Variants in SLC30A8 observed in about 807,000 individuals in gnomAD.
The protein encoded by SLC30A8 is proton-coupled zinc antiporter SLC30A8.
Under a neutral mutation model 36.9 loss-of-function variants are expected in SLC30A8, and 27 were observed. The observed-to-expected ratio is 0.73, with a 90% CI of 0.54 to 1.01. The LOEUF (loss-of-function observed/expected upper bound fraction) is 1.01, where lower values mean the gene tolerates loss of function less well. Among genes scored for constraint, SLC30A8 ranks in the 50% least tolerant of loss-of-function variants. The pLI, the probability that SLC30A8 is intolerant of heterozygous loss-of-function variation, is 0.00. For missense variants in SLC30A8, 439 were observed against 452.0 expected, an observed-to-expected ratio of 0.97 and a Z score of 0.26; for synonymous variants, 164 against 172.4, an observed-to-expected ratio of 0.95 and a Z score of 0.38.
In SLC30A8 at chr8:117,022,793, A is replaced by G. The variant is rs188670598; in HGVS notation, c.-265-16426A>G. On this transcript the variant is annotated intron_variant, in intron 1 of 10. Coordinates refer to the SLC30A8 transcript ENST00000427715. The stretch of plus-strand genomic sequence containing the variant: ...AAAACCCTAGAAGAAAACCTAGGCA[A>G]TACCATTCAGGACATAGGCATGGGC... Among the ~76,000 whole-genome samples the G allele has an allele frequency of 2.9e-3, 444 of 152,336 alleles. 4 individuals carry two copies. Among genetic ancestry groups the G allele is most frequent in the African/African-American group, 0.01 (434 of 41,576 alleles).
At chr8:117,024,124 T>C (rs1029155645) in intron 1 of SLC30A8, among the ~76,000 whole-genome samples, 1 of 152,244 alleles carries the variant, frequency 6.6e-6, no homozygotes, top group Non-Finnish European at 1.5e-5. Context: ...GTTGATTTGC[T>C]GTTGGATAGA....
At chr8:116,951,802 T>C (rs759733992) in intron 1 of SLC30A8, among the ~76,000 whole-genome samples, 2 of 152,180 alleles carry the variant, frequency 1.3e-5, no homozygotes, top group Non-Finnish European at 2.9e-5. Context: ...TAGGTATGTG[T>C]TGAGCATCAG....
At chr8:116,976,829 T>TCTTTCTTTCTTTC (rs1815043579) in intron 1 of SLC30A8, among the ~76,000 whole-genome samples, 1 of 144,276 alleles carries the variant, frequency 6.9e-6, no homozygotes, top group African/African-American at 2.9e-5. Context: ...TTTCTTTTTT[T>TCTTTCTTTCTTTC]TTTTTTTTTA....
intron 2 of SLC30A8, among the ~76,000 whole-genome samples, chr8:117,095,494 T>C (rs1015819897): frequency 4.6e-5 from 7 of 152,164 alleles, no homozygotes; most frequent in African/African-American, 1.4e-4. Context: ...GCCAAAATGT[T>C]CTTTTTTTCT....
intron 2 of SLC30A8, among the ~76,000 whole-genome samples, chr8:117,117,266 A>C (rs571298206): frequency 6.6e-6 from 1 of 152,018 alleles, no homozygotes; most frequent in Non-Finnish European, 1.5e-5. Flanking sequence ...CAACAACCCT[A>C]TGTAACAGGT....
At chr8:116,992,707 A>G (rs1233562263) in intron 1 of SLC30A8, among the ~76,000 whole-genome samples, 2 of 152,184 alleles carry the variant, frequency 1.3e-5, no homozygotes, top group African/African-American at 4.8e-5. Context: ...AGAGGAGGCT[A>G]TGAGGCTAAC....
At position 116,974,335 on chromosome 8, in the gene SLC30A8, A is replaced by G. The variant is rs1426131570; in HGVS notation, c.-266+23216A>G. ...CGGAATCTACAAAGAACTTAAACAA[A>G]TTTACAAGAAAATAAACAACCCCAT... is the stretch of plus-strand genomic sequence containing the variant. On this transcript the variant is annotated intron_variant, in intron 1 of 10. Transcript: ENST00000427715. Among the ~76,000 whole-genome samples, 3 of 152,328 alleles carry G rather than the reference A, an allele frequency of 2.0e-5. No homozygotes were observed. The East Asian group carries it at 5.8e-4, about 29-fold the overall frequency.
intron 1 of SLC30A8, among the ~76,000 whole-genome samples, chr8:116,972,249 TG>T (rs1490213766): frequency 6.6e-6 from 1 of 152,230 alleles, no homozygotes; most frequent in African/African-American, 2.4e-5. Flanking sequence ...ATCAGTCATC[TG>T]GGGAGCAATT....
Position 117,028,710 on chromosome 8 carries a change from A to G in SLC30A8, c.-265-10509A>G, listed in dbSNP as rs1006292089. Reference sequence around the variant, plus strand: ...TGATATAAGCAGGTAGAAGGATTACATATAATATACATATGACAAATATAT... The same window carrying G: ...TGATATAAGCAGGTAGAAGGATTACGTATAATATACATATGACAAATATAT... On this transcript the variant is annotated intron_variant, in intron 1 of 10. Transcript: ENST00000427715. 6.6e-5 allele frequency among the ~76,000 whole-genome samples: 10 copies of G among 152,108 alleles called. No individual in the cohort carries two copies. In the East Asian group the frequency reaches 1.5e-3, roughly 23 times the overall value.
intron 2 of SLC30A8, among the ~76,000 whole-genome samples, chr8:117,110,905 C>A (rs923497907): frequency 6.6e-6 from 1 of 152,068 alleles, no homozygotes; most frequent in Non-Finnish European, 1.5e-5. Flanking sequence ...TAGAGGCCGT[C>A]GGGTGATTAG....
At chr8:117,028,524 A>G (rs371289572) in intron 1 of SLC30A8, among the ~76,000 whole-genome samples, 2 of 150,898 alleles carry the variant, frequency 1.3e-5, no homozygotes, top group African/African-American at 4.9e-5. Context: ...TCTGACATGT[A>G]TAAATCTCTG....
At chr8:117,128,465 GTC>G (rs1563614397) in intron 2 of SLC30A8, 1 of 152,058 alleles carries the variant, frequency 6.6e-6, no homozygotes, top group Non-Finnish European at 1.5e-5. Context: ...GCACGCACGC[GTC>G]TGTGTGTGTG....
intron 1 of SLC30A8, among the ~76,000 whole-genome samples, chr8:116,976,385 C>T (rs1367636208): frequency 6.6e-6 from 1 of 152,062 alleles, no homozygotes; most frequent in Non-Finnish European, 1.5e-5. Flanking sequence ...AAGCCAGACC[C>T]AAAACACCAC....
intron 1 of SLC30A8, among the ~76,000 whole-genome samples, chr8:116,972,028 A>T (rs1008303205): frequency 1.3e-5 from 2 of 152,240 alleles, no homozygotes; most frequent in African/African-American, 4.8e-5. Flanking sequence ...AAAGAAACCT[A>T]GTGAAAAACT....
At chr8:117,071,082 A>G (rs540483404) in intron 2 of SLC30A8, among the ~76,000 whole-genome samples, 13 of 152,288 alleles carry the variant, frequency 8.5e-5, no homozygotes, top group African/African-American at 2.9e-4. Flanking sequence ...TTACTGGGTC[A>G]TAGGATAGTT....
chr8:117,118,170 C>T (rs1820531894), intron 2 of SLC30A8, among the ~76,000 whole-genome samples: 2 of 142,688 alleles, frequency 1.4e-5, no homozygotes, highest in Admixed American at 1.4e-4. Flanking sequence ...TACCTTCTCT[C>T]TGTCTCAAAA....
intron 2 of SLC30A8, among the ~76,000 whole-genome samples, chr8:117,097,505 A>C (rs1365978299): frequency 1.7e-5 from 2 of 118,110 alleles, no homozygotes; most frequent in African/African-American, 3.2e-5. Flanking sequence ...TATATATAAT[A>C]TATAATTTTA....
At chr8:117,171,223 C>G in intron 7 of SLC30A8, 55 bp downstream of exon 7, 1 of 1,572,426 alleles carries the variant, frequency 6.4e-7, no homozygotes, top group Non-Finnish European at 8.7e-7. Context: ...CCTGTAAAGT[C>G]AGTAATTTCC....
intron 2 of SLC30A8, among the ~76,000 whole-genome samples, chr8:117,042,796 C>T (rs1303540261): frequency 3.3e-5 from 5 of 152,150 alleles, no homozygotes; most frequent in African/African-American, 1.2e-4. Context: ...CTGCCTCAGC[C>T]TCCCGAGTAG....
Sources: allele counts gnomAD v4.1 joint callset (sites outside exome capture counted in the v4.1 genomes callset), GRCh38; gene constraint gnomAD v4.1.1; transcripts MANE v1.5; gene names NCBI Gene and HGNC (gene_info 2026-07-23, HGNC 2026-07-21).